MACROH2A2: variants seen among roughly 807,000 people sequenced by gnomAD.
MACROH2A2 encodes core histone macro-H2A.2.
A neutral mutation model predicts 37.6 loss-of-function variants in MACROH2A2; 6 were observed. The observed-to-expected ratio is 0.16, with a 90% CI of 0.09 to 0.32. The LOEUF (loss-of-function observed/expected upper bound fraction) is 0.32. MACROH2A2 is among the 10% of genes least tolerant of loss of function. The probability of loss-of-function intolerance (pLI) is 1.00; values close to 1 mark genes in which losing one functional copy is unlikely to be tolerated. For synonymous variants in MACROH2A2, 192 were observed against 202.7 expected (o/e 0.95, Z 0.45); for missense variants, 290 against 485.9 (o/e 0.60, Z 3.79).
intron 1 of MACROH2A2, among the ~76,000 whole-genome samples, chr10:70,068,031 G>A (rs2072088783): frequency 6.6e-6 from 1 of 152,022 alleles, no homozygotes; most frequent in Non-Finnish European, 1.5e-5. Flanking sequence ...CTTGTTGCCT[G>A]TACTTGTCTC....
At chr10:70,061,523 A>T (rs1354884261) in intron 1 of MACROH2A2, among the ~76,000 whole-genome samples, 7 of 152,218 alleles carry the variant, frequency 4.6e-5, no homozygotes, top group Non-Finnish European at 8.8e-5. Flanking sequence ...CAGGTTCAAC[A>T]GAGACAACAA....
chr10:70,055,818 T>G (rs2072012748), intron 1 of MACROH2A2, among the ~76,000 whole-genome samples: 1 of 152,160 alleles, frequency 6.6e-6, no homozygotes, highest in East Asian at 1.9e-4. Flanking sequence ...ATCCGTGAGC[T>G]CAGCATGTAT....
rs141411635 is a variant in MACROH2A2 at position 70,075,328 on chromosome 10, C to T, written c.-59-272C>T. Among the ~76,000 whole-genome samples, 219 of 152,298 alleles carry T rather than the reference C, an allele frequency of 1.4e-3. 1 individual carries two copies. The highest frequency in any genetic ancestry group is 4.8e-3 in the African/African-American group (200 of 41,552). ...ATCATTGTTCAGCTGACCACAGGAC[C>T]GAGACCTCCCTATTCAGTGACAGTT... On this transcript the variant is annotated intron_variant, in intron 1 of 8. Coordinates refer to ENST00000373255, the MANE Select transcript of MACROH2A2 (RefSeq NM_018649.3). The surrounding 1 kb of genome is among the most constrained non-coding windows in gnomAD (Gnocchi z 5.0).
In MACROH2A2 at chr10:70,075,913, C is replaced by A. The variant is rs1158088428; in HGVS notation, c.172+83C>A. 14 of 1,192,132 alleles carry A rather than the reference C, an allele frequency of 1.2e-5. No individual in the cohort carries two copies. The highest frequency in any genetic ancestry group is 9.1e-5 in the African/African-American group (6 of 66,282). The allele number at this position is 1,192,132 out of a possible 1,614,324, so 73.8% of individuals were successfully genotyped here. A position where few individuals can be genotyped will look rare whatever the true frequency, so the allele number is the denominator to read the frequency against. On this transcript the variant is annotated intron_variant, in intron 2 of 8. Coordinates refer to ENST00000373255, the MANE Select transcript of MACROH2A2 (RefSeq NM_018649.3). This position sits in a 1 kb window ranked among gnomAD's most constrained non-coding sequence, Gnocchi z 5.0. ...CCCCCTCGCAGGCTGGGGAGGGATG[C>A]TCCAAATTGCCTTTTGGCTGGCTCA...
At chr10:70,058,651 TATAC>T in intron 1 of MACROH2A2, among the ~76,000 whole-genome samples, 1 of 152,108 alleles carries the variant, frequency 6.6e-6, no homozygotes, top group African/African-American at 2.4e-5. Context: ...TATATATATA[TATAC>T]ACACACACAG....
intron 1 of MACROH2A2, among the ~76,000 whole-genome samples, chr10:70,072,120 A>G (rs1365865254): frequency 6.6e-6 from 1 of 152,072 alleles, no homozygotes; most frequent in African/African-American, 2.4e-5. Context: ...CTCTTTTGTA[A>G]TAACACTTAG....
intron 1 of MACROH2A2, among the ~76,000 whole-genome samples, chr10:70,070,369 C>A (rs567258714): frequency 1.3e-5 from 2 of 152,252 alleles, no homozygotes; most frequent in East Asian, 3.9e-4. Flanking sequence ...TATAAAGTAC[C>A]ATGTTCAGGA....
At chr10:70,099,807 T>C (rs1010687426) in intron 6 of MACROH2A2, among the ~76,000 whole-genome samples, 3 of 152,184 alleles carry the variant, frequency 2.0e-5, no homozygotes, top group African/African-American at 7.2e-5. Flanking sequence ...CTGTCTGTCC[T>C]TTGACTCAAG....
chr10:70,090,951 T>TG (rs769621995), intron 3 of MACROH2A2, among the ~76,000 whole-genome samples: 5 of 152,236 alleles, frequency 3.3e-5, no homozygotes, highest in African/African-American at 4.8e-5. Context: ...ATCTGCAGAA[T>TG]ATATTAGTGG....
At chr10:70,067,717 G>A (rs186650669) in intron 1 of MACROH2A2, among the ~76,000 whole-genome samples, 276 of 152,288 alleles carry the variant, frequency 1.8e-3, no homozygotes, top group African/African-American at 6.4e-3. Context: ...GAGAGGACCA[G>A]GGAAAGATTA....
intron 2 of MACROH2A2, among the ~76,000 whole-genome samples, chr10:70,083,748 G>A (rs934124137): frequency 6.7e-6 from 1 of 149,694 alleles, no homozygotes; most frequent in Non-Finnish European, 1.5e-5. Flanking sequence ...AGGGTGCACA[G>A]TTCCGCAAAG....
intron 2 of MACROH2A2, among the ~76,000 whole-genome samples, chr10:70,082,342 C>A (rs535436192): frequency 1.6e-4 from 25 of 151,540 alleles, no homozygotes; most frequent in Admixed American, 5.3e-4. Flanking sequence ...CGCTTGAACC[C>A]GGGAGGCGGA....
chr10:70,061,335 T>C (rs1437636212), intron 1 of MACROH2A2, among the ~76,000 whole-genome samples: 3 of 152,252 alleles, frequency 2.0e-5, no homozygotes, highest in African/African-American at 7.2e-5. Context: ...TCTTTAGGAA[T>C]GCATTGCTAA....
intron 3 of MACROH2A2, among the ~76,000 whole-genome samples, chr10:70,091,346 T>G (rs1479603442): frequency 2.6e-5 from 4 of 152,260 alleles, no homozygotes; most frequent in African/African-American, 7.2e-5. Flanking sequence ...CGCAGTTTCT[T>G]TAGGAAAGCG....
At chr10:70,060,145 G>T (rs186351001) in intron 1 of MACROH2A2, among the ~76,000 whole-genome samples, 1 of 152,086 alleles carries the variant, frequency 6.6e-6, no homozygotes, top group Non-Finnish European at 1.5e-5. Flanking sequence ...TGAGGTGGGC[G>T]GATCACTTGA....
chr10:70,060,378 G>C (rs1217435704), intron 1 of MACROH2A2, among the ~76,000 whole-genome samples: 3 of 150,466 alleles, frequency 2.0e-5, no homozygotes, highest in Admixed American at 6.7e-5. Flanking sequence ...AAAAAAAAAA[G>C]AAAGAAAAAG....
At chr10:70,079,565 G>GCACACACACACACACA (rs56247035) in intron 2 of MACROH2A2, among the ~76,000 whole-genome samples, 39 of 126,260 alleles carry the variant, frequency 3.1e-4, no homozygotes, top group Admixed American at 7.7e-4. Flanking sequence ...GCGCGCGCGC[G>GCACACACACACACACA]CACACACACA....
At chr10:70,108,640 A>G (rs896445544) in intron 7 of MACROH2A2, among the ~76,000 whole-genome samples, 2 of 152,168 alleles carry the variant, frequency 1.3e-5, no homozygotes, top group African/African-American at 2.4e-5. Context: ...ATGTACGGGA[A>G]CACCCACAGG....
Position 70,072,975 on chromosome 10 carries a change from C to A in MACROH2A2, c.-59-2625C>A, listed in dbSNP as rs552625618. ...CCTTCCCAAACAACAACAACAACAA[C>A]AAAAAGATGTCACTAGGGCATAGGA... is the stretch of plus-strand genomic sequence containing the variant. On this transcript the variant is annotated intron_variant, in intron 1 of 8. Transcript: ENST00000373255. Among the ~76,000 whole-genome samples, 190 of 152,192 alleles carry A rather than the reference C, an allele frequency of 1.2e-3. 2 individuals carry two copies. The highest frequency in any genetic ancestry group is 4.3e-3 in the African/African-American group (180 of 41,532).
Sources: allele counts gnomAD v4.1 joint callset (sites outside exome capture counted in the v4.1 genomes callset), GRCh38; gene constraint gnomAD v4.1.1; non-coding constraint Gnocchi (gnomAD v3.1); transcripts MANE v1.5; gene names NCBI Gene and HGNC (gene_info 2026-07-23, HGNC 2026-07-21).